Variants in CARMIL1 observed in about 807,000 individuals in gnomAD.
The protein encoded by CARMIL1 is capping protein regulator and myosin 1 linker 1, also known as F-actin-uncapping protein LRRC16A.
Under a neutral mutation model 177.1 loss-of-function variants are expected in CARMIL1, and 90 were observed. That is an observed-to-expected ratio of 0.51 (90% CI 0.43 to 0.61). CARMIL1 has a LOEUF of 0.61. CARMIL1 is among the 20% of genes least tolerant of loss of function. The pLI is 0.00. For synonymous variants in CARMIL1, 577 were observed against 606.2 expected (o/e 0.95, Z 0.71); for missense variants, 1,380 against 1,667.0 (o/e 0.83, Z 3.00).
In CARMIL1 at chr6:25,366,266, G is replaced by A. The variant is rs539347688; in HGVS notation, c.139-53848G>A. On this transcript the variant is annotated intron_variant, in intron 2 of 36. Coordinates refer to ENST00000329474, the MANE Select transcript of CARMIL1 (RefSeq NM_017640.6). The stretch of plus-strand genomic sequence containing the variant: ...TCCATCTTGGCCTCTCAAAGTGCTG[G>A]GATTACAGGCATGAGCCACCATACA... 2.3e-4 allele frequency among the ~76,000 whole-genome samples: 35 copies of A among 152,150 alleles called. 3 individuals carry two copies. The South Asian group carries it at 7.1e-3, about 31-fold the overall frequency.
chr6:25,543,735 G>A (rs961997316), intron 26 of CARMIL1, among the ~76,000 whole-genome samples: 3 of 152,114 alleles, frequency 2.0e-5, no homozygotes, highest in African/African-American at 7.2e-5. Context: ...TTGGCCAGAA[G>A]AGTTTTCTGA....
intron 2 of CARMIL1, chr6:25,388,061 C>G (rs1277125659): frequency 6.6e-6 from 1 of 152,168 alleles, no homozygotes; most frequent in Non-Finnish European, 1.5e-5. Context: ...CTGTTTGAGG[C>G]CTCCAGACCT....
intron 2 of CARMIL1, among the ~76,000 whole-genome samples, chr6:25,366,638 A>G (rs956349117): frequency 3.3e-5 from 5 of 150,812 alleles, no homozygotes; most frequent in African/African-American, 1.2e-4. Context: ...CCTGGCACAT[A>G]CTAGATCTCA....
chr6:25,534,236 TG>T (rs1237421508), intron 24 of CARMIL1, among the ~76,000 whole-genome samples: 2 of 152,036 alleles, frequency 1.3e-5, no homozygotes, highest in African/African-American at 4.8e-5. Context: ...TGAATGTTTA[TG>T]GGGTAAGGGA....
chr6:25,308,152 A>C (rs1379475437), intron 2 of CARMIL1, among the ~76,000 whole-genome samples: 1 of 152,170 alleles, frequency 6.6e-6, no homozygotes, highest in Non-Finnish European at 1.5e-5. Flanking sequence ...AGTTTCTCTT[A>C]GCCCTTATTT....
At chr6:25,316,729 T>G (rs1400430703) in intron 2 of CARMIL1, among the ~76,000 whole-genome samples, 1 of 152,104 alleles carries the variant, frequency 6.6e-6, no homozygotes, top group Non-Finnish European at 1.5e-5. Flanking sequence ...ATAATTTTTT[T>G]TAAAGACTAG....
intron 35 of CARMIL1, among the ~76,000 whole-genome samples, chr6:25,609,310 C>T (rs1284041816): frequency 6.6e-6 from 1 of 151,868 alleles, no homozygotes; most frequent in East Asian, 1.9e-4. Flanking sequence ...ACTAAAAATA[C>T]AAAAAATTAG....
intron 2 of CARMIL1, among the ~76,000 whole-genome samples, chr6:25,329,232 A>G (rs535175203): frequency 1.6e-4 from 24 of 152,158 alleles, no homozygotes; most frequent in Admixed American, 1.1e-3. Context: ...TAAAAAAAAG[A>G]AAGTTGGATC....
At chr6:25,382,985 G>A (rs1041536590) in intron 2 of CARMIL1, among the ~76,000 whole-genome samples, 1 of 152,114 alleles carries the variant, frequency 6.6e-6, no homozygotes, top group African/African-American at 2.4e-5. Flanking sequence ...ATGGGGGTGA[G>A]GGAGGGCAGT....
At chr6:25,298,676 T>G (rs1044466168) in intron 2 of CARMIL1, among the ~76,000 whole-genome samples, 3 of 152,132 alleles carry the variant, frequency 2.0e-5, no homozygotes, top group Non-Finnish European at 2.9e-5. Context: ...CTTAGGGCTT[T>G]CTTGGTCCTT....
chr6:25,526,700 G>A (rs969041392), intron 23 of CARMIL1, among the ~76,000 whole-genome samples: 1 of 151,880 alleles, frequency 6.6e-6, no homozygotes, highest in African/African-American at 2.4e-5. Context: ...CTACAGGAGT[G>A]AGCCATAATG....
At chr6:25,371,239 A>G (rs561965616) in intron 2 of CARMIL1, among the ~76,000 whole-genome samples, 1 of 152,304 alleles carries the variant, frequency 6.6e-6, no homozygotes, top group Non-Finnish European at 1.5e-5. Context: ...TCTTTTTGAT[A>G]GAATTACCTC....
chr6:25,557,695 T>A (rs1466413576), intron 29 of CARMIL1, among the ~76,000 whole-genome samples: 2 of 152,204 alleles, frequency 1.3e-5, no homozygotes, highest in Non-Finnish European at 2.9e-5. Flanking sequence ...ATTTTAGTAA[T>A]TTTTAGATGA....
chr6:25,402,347 G>A (rs958612901), intron 2 of CARMIL1, among the ~76,000 whole-genome samples: 8 of 152,070 alleles, frequency 5.3e-5, no homozygotes, highest in African/African-American at 1.9e-4. Context: ...TTAGAATGAC[G>A]GCCTGTAAGA....
intron 2 of CARMIL1, among the ~76,000 whole-genome samples, chr6:25,349,848 G>A (rs1396608853): frequency 6.6e-6 from 1 of 151,314 alleles, no homozygotes; most frequent in African/African-American, 2.4e-5. Flanking sequence ...CCTGCCTCAG[G>A]CTCCCGAGTA....
intron 2 of CARMIL1, among the ~76,000 whole-genome samples, chr6:25,392,806 T>C (rs1368078079): frequency 7.2e-5 from 11 of 152,342 alleles, no homozygotes; most frequent in Admixed American, 5.9e-4. Context: ...TCAGAAACTA[T>C]TATGCCATTT....
chr6:25,322,732 G>T (rs1263059316), intron 2 of CARMIL1, among the ~76,000 whole-genome samples: 1 of 152,222 alleles, frequency 6.6e-6, no homozygotes, highest in Non-Finnish European at 1.5e-5. Flanking sequence ...CTAAAGAGCA[G>T]AATTTCTGTG....
chr6:25,499,923 G>C (rs1582158940), intron 16 of CARMIL1, among the ~76,000 whole-genome samples: 1 of 152,192 alleles, frequency 6.6e-6, no homozygotes. Flanking sequence ...AATCCTGCAG[G>C]TTTTACATTT....
At chr6:25,373,589 CT>C (rs200205287) in intron 2 of CARMIL1, among the ~76,000 whole-genome samples, 420 of 141,208 alleles carry the variant, frequency 3.0e-3, no homozygotes, top group Middle Eastern at 3.5e-3. Flanking sequence ...CTCTCTCTCT[CT>C]TTTTTTTTTT....
Sources: gnomAD v4.1 joint callset for allele counts (sites outside exome capture counted in the v4.1 genomes callset) on GRCh38, gnomAD v4.1.1 for gene constraint, MANE v1.5 for transcripts, NCBI Gene and HGNC (gene_info 2026-07-23, HGNC 2026-07-21) for gene names.